NALF1: variants seen among roughly 807,000 people sequenced by gnomAD.
The protein encoded by NALF1 is family with sequence similarity 155 member A.
In NALF1, 3 loss-of-function variants were observed where a neutral mutation model predicts 48.4. The observed-to-expected ratio is 0.06, with a 90% CI of 0.03 to 0.16. NALF1 has a LOEUF of 0.16. Ranked by LOEUF, NALF1 falls within the 10% of genes least tolerant of loss-of-function variation. The pLI, the probability that NALF1 is intolerant of heterozygous loss-of-function variation, is 1.00. For synonymous variants in NALF1, 262 were observed against 245.7 expected, an observed-to-expected ratio of 1.07 and a Z score of -0.62; for missense variants, 526 against 571.5, an observed-to-expected ratio of 0.92 and a Z score of 0.81.
chr13:107,483,211 C>T (rs1389590794), intron 1 of NALF1, among the ~76,000 whole-genome samples: 2 of 152,068 alleles, frequency 1.3e-5, no homozygotes, highest in African/African-American at 4.8e-5. Context: ...GTTGTATGAC[C>T]AGCAAAATGA....
chr13:107,190,796 A>C (rs1879264405), intron 2 of NALF1, among the ~76,000 whole-genome samples: 1 of 152,230 alleles, frequency 6.6e-6, no homozygotes, highest in Admixed American at 6.5e-5. Context: ...CCAGTAGAAA[A>C]TCAAATGAAA....
In NALF1 at chr13:107,644,786, G is replaced by A. The variant is rs553325249; in HGVS notation, c.915+220896C>T. Among the ~76,000 whole-genome samples the A allele has an allele frequency of 1.9e-3, 282 of 151,536 alleles. 1 individual carries two copies. Among genetic ancestry groups the A allele is most frequent in the South Asian group, 2.7e-3 (13 of 4,780 alleles). On this transcript the variant is annotated intron_variant, in intron 1 of 2. Transcript: ENST00000375915. ...TAATGTTTAAAGTAACTCTTTAACC[G>A]TACAGAAAGAAAAGTGAACACACCT...
At chr13:107,181,382 A>G (rs1879056893) in intron 2 of NALF1, among the ~76,000 whole-genome samples, 1 of 151,542 alleles carries the variant, frequency 6.6e-6, no homozygotes, top group African/African-American at 2.4e-5. Flanking sequence ...CTAAATTTCC[A>G]TTTGATAATA....
chr13:107,556,237 T>G (rs1266232912), intron 1 of NALF1, among the ~76,000 whole-genome samples: 1 of 150,748 alleles, frequency 6.6e-6, no homozygotes, highest in Admixed American at 6.6e-5. Flanking sequence ...TTTGCTTATC[T>G]TCAGAGATGT....
chr13:107,560,401 C>T (rs1214043561), intron 1 of NALF1, among the ~76,000 whole-genome samples: 1 of 152,000 alleles, frequency 6.6e-6, no homozygotes, highest in African/African-American at 2.4e-5. Context: ...CTTCCAAGAA[C>T]ACTACAAATA....
intron 1 of NALF1, among the ~76,000 whole-genome samples, chr13:107,773,916 T>C (rs1330309200): frequency 6.6e-6 from 1 of 152,196 alleles, no homozygotes; most frequent in Non-Finnish European, 1.5e-5. Context: ...CTATTTTGTA[T>C]AAGTGTACAA....
intron 2 of NALF1, among the ~76,000 whole-genome samples, chr13:107,191,672 T>TC: frequency 6.8e-6 from 1 of 147,100 alleles, no homozygotes; most frequent in East Asian, 2.0e-4. Flanking sequence ...AATTCTTAAT[T>TC]TTTTTTTTTT....
At chr13:107,205,426 G>A (rs995247510) in intron 2 of NALF1, among the ~76,000 whole-genome samples, 1 of 151,934 alleles carries the variant, frequency 6.6e-6, no homozygotes, top group African/African-American at 2.4e-5. Flanking sequence ...CTCCCCTCAG[G>A]TTATTCCCTT....
intron 1 of NALF1, among the ~76,000 whole-genome samples, chr13:107,559,642 G>A (rs1055597637): frequency 3.9e-5 from 6 of 152,022 alleles, no homozygotes; most frequent in Admixed American, 6.6e-5. Flanking sequence ...TCTCCTCTGC[G>A]TCCTTATAAG....
intron 1 of NALF1, among the ~76,000 whole-genome samples, chr13:107,737,977 C>T (rs1250000600): frequency 2.0e-5 from 3 of 152,032 alleles, no homozygotes; most frequent in Admixed American, 6.6e-5. Context: ...TAAATACAAG[C>T]ATAAAAAAGC....
At chr13:107,703,868 T>C (rs1227528709) in intron 1 of NALF1, among the ~76,000 whole-genome samples, 2 of 152,210 alleles carry the variant, frequency 1.3e-5, no homozygotes, top group African/African-American at 4.8e-5. Context: ...ATAATTTTGG[T>C]ATCACATAGC....
intron 1 of NALF1, among the ~76,000 whole-genome samples, chr13:107,624,560 T>G (rs1879613522): frequency 6.6e-6 from 1 of 152,172 alleles, no homozygotes; most frequent in Non-Finnish European, 1.5e-5. Flanking sequence ...CTTCACTTCT[T>G]AAAGTAAAAC....
At chr13:107,231,214 A>T (rs548945310) in intron 1 of NALF1, among the ~76,000 whole-genome samples, 1 of 152,258 alleles carries the variant, frequency 6.6e-6, no homozygotes. Context: ...AAAAATATTT[A>T]CCCCACTGGA....
chr13:107,198,351 G>C (rs1300823838), intron 2 of NALF1, among the ~76,000 whole-genome samples: 4 of 152,158 alleles, frequency 2.6e-5, no homozygotes, highest in Non-Finnish European at 5.9e-5. Flanking sequence ...TTCAAAAGGA[G>C]ATTCATAAAA....
chr13:107,219,646 C>T (rs573687266), intron 1 of NALF1, among the ~76,000 whole-genome samples: 23 of 152,280 alleles, frequency 1.5e-4, no homozygotes, highest in African/African-American at 5.5e-4. Context: ...TGTTATCTTC[C>T]ATAATCTACA....
intron 1 of NALF1, among the ~76,000 whole-genome samples, chr13:107,315,189 C>G (rs1216581790): frequency 1.3e-5 from 2 of 152,088 alleles, no homozygotes; most frequent in South Asian, 2.1e-4. Context: ...AAGAATTCTA[C>G]TACCTTTCAT....
intron 1 of NALF1, among the ~76,000 whole-genome samples, chr13:107,292,581 T>C (rs937316033): frequency 2.0e-5 from 3 of 152,168 alleles, no homozygotes; most frequent in Admixed American, 6.5e-5. Flanking sequence ...TCAACATCAC[T>C]GTCTTCCACC....
chr13:107,812,321 A>G (rs569921675), intron 1 of NALF1, among the ~76,000 whole-genome samples: 41 of 152,228 alleles, frequency 2.7e-4, no homozygotes, highest in African/African-American at 9.9e-4. Context: ...TGTTTTTATT[A>G]TAATAGTATT....
intron 1 of NALF1, among the ~76,000 whole-genome samples, chr13:107,620,611 G>A (rs1033007684): frequency 1.3e-5 from 2 of 152,182 alleles, no homozygotes. Context: ...TCTGGCATCT[G>A]TGTTCTCTAT....
Sources: gnomAD v4.1 joint callset for allele counts (sites outside exome capture counted in the v4.1 genomes callset) on GRCh38, gnomAD v4.1.1 for gene constraint, MANE v1.5 for transcripts, NCBI Gene and HGNC (gene_info 2026-07-23, HGNC 2026-07-21) for gene names.